Variants in FA2H observed in about 807,000 individuals in gnomAD.
FA2H encodes the protein fatty acid alpha-hydroxylase.
In FA2H, 22 loss-of-function variants were observed where a neutral mutation model predicts 44.9. The ratio of observed to expected loss-of-function variants is 0.49; its 90% CI spans 0.35 to 0.70. FA2H has a LOEUF of 0.70. Among genes scored for constraint, FA2H ranks in the 30% least tolerant of loss-of-function variants. The probability of loss-of-function intolerance (pLI) is 0.01; values close to 1 mark genes in which losing one functional copy is unlikely to be tolerated. For synonymous variants in FA2H, 243 were observed against 213.2 expected (o/e 1.14, Z -1.22); for missense variants, 501 against 504.9 (o/e 0.99, Z 0.07).
chr16:74,728,171 C>A (rs558597515), intron 2 of FA2H, among the ~76,000 whole-genome samples: 9 of 152,308 alleles, frequency 5.9e-5, no homozygotes, highest in Admixed American at 2.0e-4. Flanking sequence ...TGCCTGTAAA[C>A]CCTGCATTTT....
At chr16:74,752,687 T>C (rs917868200) in intron 1 of FA2H, among the ~76,000 whole-genome samples, 4 of 152,124 alleles carry the variant, frequency 2.6e-5, no homozygotes, top group Non-Finnish European at 4.4e-5. Context: ...ACAGAGGAAA[T>C]ATTAGCATAT....
At chr16:74,726,575 A>G (rs1961961917) in intron 3 of FA2H, among the ~76,000 whole-genome samples, 3 of 152,148 alleles carry the variant, frequency 2.0e-5, no homozygotes. Flanking sequence ...TTTAGTAGAG[A>G]TGGGGTTTCA....
chr16:74,718,317 C>T (rs576668065), intron 5 of FA2H, among the ~76,000 whole-genome samples: 2 of 152,202 alleles, frequency 1.3e-5, no homozygotes, highest in Admixed American at 1.3e-4. Context: ...GGCTGGGGAA[C>T]AGCCTGGGAT....
chr16:74,719,125 C>CG lies in FA2H; in HGVS notation c.648dup (p.Gly217ArgfsTer96). On this transcript the variant is annotated frameshift_variant, in exon 5 of 7. Transcript: ENST00000219368. LOFTEE classifies it high-confidence loss of function. ...AGGAATGTCCCCAGCATGAAGAGCCCGGGGAACATGGACTTGGGCACTGCC... is the reference window on the plus strand; with the variant it reads ...AGGAATGTCCCCAGCATGAAGAGCCCGGGGGAACATGGACTTGGGCACTGCC... 6.2e-7 allele frequency: 1 copy of CG among 1,613,804 alleles called. No homozygotes were observed. Among genetic ancestry groups the CG allele is most frequent in the Non-Finnish European group, 8.5e-7 (1 of 1,180,012 alleles).
intron 5 of FA2H, among the ~76,000 whole-genome samples, chr16:74,717,724 C>T (rs984613452): frequency 1.3e-5 from 2 of 152,168 alleles, no homozygotes; most frequent in African/African-American, 4.8e-5. Flanking sequence ...CATGGTGTGG[C>T]AGCAGGGGAC....
Position 74,718,949 on chromosome 16 carries a change from G to A in FA2H, c.786+39C>T, listed in dbSNP as rs201968011. 105 of 1,609,228 alleles carry A rather than the reference G, an allele frequency of 6.5e-5. 1 individual carries two copies. In the African/African-American group the frequency reaches 1.2e-3, roughly 18 times the overall value. ...GCTGGCTGCCGGGCCCTCTCGGGCT[G>A]CACATGCTAGGTCCGGGCTGGGACC... On this transcript the variant is annotated intron_variant, in intron 5 of 6. Transcript: ENST00000219368.
chr16:74,718,937 C>G, intron 5 of FA2H, 51 bp downstream of exon 5: 2 of 1,602,580 alleles, frequency 1.2e-6, no homozygotes, highest in South Asian at 1.1e-5. Context: ...GGCTGCCGGG[C>G]CCTCTCGGGC....
At chr16:74,728,332 T>C (rs1217399923) in intron 2 of FA2H, among the ~76,000 whole-genome samples, 1 of 152,176 alleles carries the variant, frequency 6.6e-6, no homozygotes, top group Non-Finnish European at 1.5e-5. Context: ...CAGGATAGTT[T>C]AGTGGAGATA....
At chr16:74,718,687 T>G (rs992027825) in intron 5 of FA2H, among the ~76,000 whole-genome samples, 1 of 152,240 alleles carries the variant, frequency 6.6e-6, no homozygotes, top group African/African-American at 2.4e-5. Context: ...CAGGAGGCAC[T>G]CACTGGGCAT....
intron 2 of FA2H, among the ~76,000 whole-genome samples, chr16:74,737,720 C>CA (rs1000739041): frequency 2.0e-5 from 3 of 152,208 alleles, no homozygotes; most frequent in African/African-American, 7.2e-5. Flanking sequence ...TTAACACCAG[C>CA]AAGCCCTTCT....
chr16:74,751,166 C>T (rs1339923891), intron 1 of FA2H, among the ~76,000 whole-genome samples: 7 of 152,122 alleles, frequency 4.6e-5, no homozygotes, highest in Non-Finnish European at 1.0e-4. Flanking sequence ...TCAATCTCGG[C>T]TCACTGCAAC....
At chr16:74,757,917 G>T (rs959100608) in intron 1 of FA2H, among the ~76,000 whole-genome samples, 1 of 152,096 alleles carries the variant, frequency 6.6e-6, no homozygotes, top group East Asian at 1.9e-4. Context: ...TATTTGGGAG[G>T]CTAAGGTGGG....
chr16:74,734,034 C>G (rs1962132185), intron 2 of FA2H, among the ~76,000 whole-genome samples: 1 of 152,234 alleles, frequency 6.6e-6, no homozygotes, highest in Non-Finnish European at 1.5e-5. Flanking sequence ...CCGAAGACCC[C>G]TCTCCTACTC....
chr16:74,753,585 A>C (rs1317326942), intron 1 of FA2H, among the ~76,000 whole-genome samples: 1 of 152,152 alleles, frequency 6.6e-6, no homozygotes, highest in Non-Finnish European at 1.5e-5. Context: ...AGGTGGGAGA[A>C]TCGCTTGAAC....
intron 1 of FA2H, among the ~76,000 whole-genome samples, chr16:74,743,143 T>C (rs958654246): frequency 1.1e-4 from 16 of 152,224 alleles, no homozygotes; most frequent in African/African-American, 3.4e-4. Flanking sequence ...TGAGGCACCA[T>C]GCCCGACCTC....
intron 2 of FA2H, among the ~76,000 whole-genome samples, chr16:74,731,186 A>G (rs1225655388): frequency 7.5e-6 from 1 of 132,642 alleles, no homozygotes; most frequent in Admixed American, 7.9e-5. Context: ...AAGGAGTTTC[A>G]CTCTTTTTGC....
In FA2H at chr16:74,723,487, C is replaced by T. The variant is rs1391669099; in HGVS notation, c.613+2738G>A. 3.9e-5 allele frequency among the ~76,000 whole-genome samples: 6 copies of T among 152,184 alleles called. No homozygotes were observed. The East Asian group carries it at 9.6e-4, about 24-fold the overall frequency. On this transcript the variant is annotated intron_variant, in intron 4 of 6. Coordinates refer to ENST00000219368, the MANE Select transcript of FA2H (RefSeq NM_024306.5). ...CCATGTGGTTGTCCACAGTCCCCAC[C>T]GTGAACACCTCCCAAATGAGGCCAA...
In FA2H at chr16:74,720,051, T is replaced by C. The variant is rs1282124708; in HGVS notation, c.614-891A>G. 2.0e-5 allele frequency among the ~76,000 whole-genome samples: 3 copies of C among 152,044 alleles called. No homozygotes were observed. The East Asian group carries it at 5.8e-4, about 29-fold the overall frequency. ...CAGGGCACCATCTTCAAGCACATGC[T>C]TCCCACCACCCTCCGGAGACAGCCT... On this transcript the variant is annotated intron_variant, in intron 4 of 6. Coordinates refer to ENST00000219368, the MANE Select transcript of FA2H (RefSeq NM_024306.5).
At chr16:74,750,364 T>G (rs960518060) in intron 1 of FA2H, among the ~76,000 whole-genome samples, 1 of 152,244 alleles carries the variant, frequency 6.6e-6, no homozygotes, top group South Asian at 2.1e-4. Flanking sequence ...TCAAGACTAT[T>G]GATTTACAAA....
Sources: gnomAD v4.1 joint callset for allele counts (sites outside exome capture counted in the v4.1 genomes callset) on GRCh38, gnomAD v4.1.1 for gene constraint, MANE v1.5 for transcripts, NCBI Gene and HGNC (gene_info 2026-07-23, HGNC 2026-07-21) for gene names.